Variants in PDE6A observed in about 807,000 individuals in gnomAD.
PDE6A encodes the protein phosphodiesterase 6A, also known as rod cGMP-specific 3',5'-cyclic phosphodiesterase subunit alpha.
In PDE6A, 84 loss-of-function variants were observed where a neutral mutation model predicts 106.3. That is an observed-to-expected ratio of 0.79 (90% CI 0.66 to 0.95). The LOEUF (loss-of-function observed/expected upper bound fraction) is 0.95, where lower values mean the gene tolerates loss of function less well. Among genes scored for constraint, PDE6A ranks in the 40% least tolerant of loss-of-function variants. The pLI, the probability that PDE6A is intolerant of heterozygous loss-of-function variation, is 0.00. For synonymous variants in PDE6A, 394 were observed against 386.6 expected, an observed-to-expected ratio of 1.02 and a Z score of -0.23; for missense variants, 1,052 against 1,084.9, an observed-to-expected ratio of 0.97 and a Z score of 0.43.
intron 5 of PDE6A, among the ~76,000 whole-genome samples, chr5:149,916,542 T>G (rs1410589800): frequency 1.3e-5 from 2 of 152,118 alleles, no homozygotes; most frequent in South Asian, 4.2e-4. Context: ...CTCTTCCATC[T>G]CTCCCGCCTC....
chr5:149,932,212 T>G, intron 3 of PDE6A: 1 of 1,316,900 alleles, frequency 7.6e-7, no homozygotes, highest in Non-Finnish European at 1.1e-6. Context: ...GTATCTGTAT[T>G]TGAAATGCCA....
chr5:149,876,930 GATAC>G (rs1166688320), intron 17 of PDE6A, among the ~76,000 whole-genome samples: 3 of 150,938 alleles, frequency 2.0e-5, no homozygotes, highest in East Asian at 1.9e-4. Context: ...TAGATAGATA[GATAC>G]ATAGATAGAT....
chr5:149,867,692 C>T lies in PDE6A; in HGVS notation c.2274+33G>A, dbSNP rs780794485. ...CTAGGTCAGGATGGAGCACACACAC[C>T]TAACATCAGGCTGACATCCCCTGTC... On this transcript the variant is annotated intron_variant, in intron 19 of 21. Coordinates refer to ENST00000255266, the MANE Select transcript of PDE6A (RefSeq NM_000440.3). The T allele has an allele frequency of 3.1e-6, 5 of 1,593,286 alleles. No individual in the cohort carries two copies. The South Asian group carries it at 5.5e-5, about 18-fold the overall frequency.
At chr5:149,908,976 A>G (rs1487873250) in intron 6 of PDE6A, among the ~76,000 whole-genome samples, 1 of 152,266 alleles carries the variant, frequency 6.6e-6, no homozygotes. Flanking sequence ...TTATTGTAAT[A>G]AAACTGTTAT....
intron 15 of PDE6A, 30 bp downstream of exon 15, chr5:149,884,750 C>A (rs369935018): frequency 1.3e-6 from 2 of 1,582,112 alleles, no homozygotes; most frequent in Admixed American, 1.7e-5. Context: ...CCAGGCCCCG[C>A]GGCCTGTAGA....
At chr5:149,887,474 G>A (rs1752355733) in intron 13 of PDE6A, among the ~76,000 whole-genome samples, 1 of 152,094 alleles carries the variant, frequency 6.6e-6, no homozygotes, top group African/African-American at 2.4e-5. Context: ...GATCAGCTTA[G>A]GCAACACAGC....
At chr5:149,892,154 C>A (rs1752568707) in intron 13 of PDE6A, among the ~76,000 whole-genome samples, 1 of 151,818 alleles carries the variant, frequency 6.6e-6, no homozygotes, top group Non-Finnish European at 1.5e-5. Context: ...CTCTAAAAAA[C>A]AAAATAAATA....
intron 17 of PDE6A, among the ~76,000 whole-genome samples, chr5:149,879,947 C>T (rs1199102294): frequency 2.6e-5 from 4 of 152,150 alleles, no homozygotes; most frequent in Non-Finnish European, 2.9e-5. Context: ...CCCAAAACCA[C>T]TGATGAACTT....
At chr5:149,874,821 G>A (rs1043496152) in intron 17 of PDE6A, among the ~76,000 whole-genome samples, 1 of 152,086 alleles carries the variant, frequency 6.6e-6, no homozygotes, top group African/African-American at 2.4e-5. Context: ...AACCAGGAAC[G>A]AAGACCAAAC....
intron 6 of PDE6A, among the ~76,000 whole-genome samples, chr5:149,911,121 T>G (rs1052281236): frequency 1.3e-5 from 2 of 152,152 alleles, no homozygotes; most frequent in African/African-American, 4.8e-5. Flanking sequence ...GCTCAAGGGA[T>G]CTGCCTACCT....
chr5:149,862,176 A>G (rs1348648694), intron 21 of PDE6A, among the ~76,000 whole-genome samples: 1 of 152,204 alleles, frequency 6.6e-6, no homozygotes, highest in Non-Finnish European at 1.5e-5. Flanking sequence ...GTGAGGAAAC[A>G]GATCACACAA....
At chr5:149,866,124 G>T in intron 20 of PDE6A, 46 bp downstream of exon 20, 1 of 1,366,108 alleles carries the variant, frequency 7.3e-7, no homozygotes, top group Non-Finnish European at 1.0e-6. Context: ...GAAATCCCAG[G>T]TTTATCAAAG....
At chr5:149,921,580 T>C in intron 5 of PDE6A, 55 bp downstream of exon 5, 1 of 1,405,444 alleles carries the variant, frequency 7.1e-7, no homozygotes. Flanking sequence ...CAGGGTTTAC[T>C]GTGCCTTGCA....
intron 17 of PDE6A, among the ~76,000 whole-genome samples, chr5:149,877,298 C>T (rs1760776231): frequency 6.6e-6 from 1 of 152,160 alleles, no homozygotes; most frequent in African/African-American, 2.4e-5. Flanking sequence ...TCCAAATAGT[C>T]TGGGTCCAGT....
At chr5:149,931,656 G>A (rs1324888837) in intron 3 of PDE6A, among the ~76,000 whole-genome samples, 1 of 152,186 alleles carries the variant, frequency 6.6e-6, no homozygotes, top group Non-Finnish European at 1.5e-5. Context: ...ATGGAAAAAT[G>A]TCTATTAACA....
chr5:149,884,260 G>GTA (rs1180341448), intron 16 of PDE6A, among the ~76,000 whole-genome samples: 1 of 141,656 alleles, frequency 7.1e-6, no homozygotes, highest in Middle Eastern at 3.8e-3. Flanking sequence ...ATATATATGT[G>GTA]TATATATATG....
At chr5:149,912,790 T>C (rs1244820576) in intron 6 of PDE6A, among the ~76,000 whole-genome samples, 1 of 152,136 alleles carries the variant, frequency 6.6e-6, no homozygotes, top group African/African-American at 2.4e-5. Context: ...CTATCTTGGC[T>C]GAAACAAAGA....
At chr5:149,933,124 C>T (rs1754092120) in intron 3 of PDE6A, among the ~76,000 whole-genome samples, 1 of 152,152 alleles carries the variant, frequency 6.6e-6, no homozygotes, top group Admixed American at 6.5e-5. Flanking sequence ...TCCCCAGCAG[C>T]TGGGACTACA....
Position 149,858,846 on chromosome 5 carries a change from C to CGGAGTCTTGCTCTTGTTGCCCAGGCT in PDE6A, c.*2023_*2048dup, listed in dbSNP as rs1760028885. The CGGAGTCTTGCTCTTGTTGCCCAGGCT allele has an allele frequency of 1.2e-5, 1 of 81,502 alleles. No homozygotes were observed. The highest frequency in any genetic ancestry group is 1.8e-4 in the Admixed American group (1 of 5,548). The allele number at this position is 81,502 out of a possible 1,614,324, so 5.0% of individuals were successfully genotyped here. On this transcript the variant is annotated 3_prime_UTR_variant, in exon 22 of 22. Transcript: ENST00000255266. ...TTTTTTCTTTTTTTTTTTTTTGAGA[C>CGGAGTCTTGCTCTTGTTGCCCAGGCT]GGAGTCTTGCTCTTGTTGCCCAGGC...
Sources: allele counts gnomAD v4.1 joint callset (sites outside exome capture counted in the v4.1 genomes callset), GRCh38; gene constraint gnomAD v4.1.1; transcripts MANE v1.5; gene names NCBI Gene and HGNC (gene_info 2026-07-23, HGNC 2026-07-21).